The following VSIG10 variants were observed in gnomAD, a reference collection of about 807,000 sequenced individuals.
VSIG10 encodes V-set and immunoglobulin domain containing 10, also known as V-set and immunoglobulin domain-containing protein 10.
Under a neutral mutation model 58.7 loss-of-function variants are expected in VSIG10, and 48 were observed. The ratio of observed to expected loss-of-function variants is 0.82; its 90% CI spans 0.65 to 1.04. The LOEUF (loss-of-function observed/expected upper bound fraction) is 1.04, where lower values mean the gene tolerates loss of function less well. VSIG10 is among the 50% of genes least tolerant of loss of function. The pLI, the probability that VSIG10 is intolerant of heterozygous loss-of-function variation, is 0.00. For missense variants in VSIG10, 628 were observed against 670.0 expected (o/e 0.94, Z 0.69); for synonymous variants, 260 against 267.1 (o/e 0.97, Z 0.26).
In VSIG10 at chr12:118,072,603, ATC is replaced by A. The variant is rs145015206; in HGVS notation, c.1219+1094_1219+1095del. On this transcript the variant is annotated intron_variant, in intron 5 of 8. Transcript: ENST00000359236. The stretch of plus-strand genomic sequence containing the variant: ...CCAGGTGTGGTGGCTCATGCTTGCA[ATC>A]TCAACACTTTGGGAGGCTGAGATGG... Among the ~76,000 whole-genome samples the A allele has an allele frequency of 6.6e-4, 101 of 152,208 alleles. 1 individual carries two copies. The East Asian group carries it at 0.015, about 22-fold the overall frequency.
intron 2 of VSIG10, among the ~76,000 whole-genome samples, chr12:118,086,246 TGA>T (rs1190583519): frequency 5.9e-5 from 9 of 151,858 alleles, no homozygotes; most frequent in Non-Finnish European, 1.2e-4. Context: ...GCGGATCACT[TGA>T]GGTCAGGAGT....
intron 1 of VSIG10, among the ~76,000 whole-genome samples, chr12:118,097,876 T>C (rs2033509597): frequency 6.6e-6 from 1 of 152,168 alleles, no homozygotes. Context: ...TGAGCCGATA[T>C]TGTACCACTG....
intron 2 of VSIG10, among the ~76,000 whole-genome samples, chr12:118,087,159 G>T (rs2033150795): frequency 6.6e-6 from 1 of 151,774 alleles, no homozygotes; most frequent in South Asian, 2.1e-4. Context: ...TGTACATTTA[G>T]AAGCAGAGTC....
intron 3 of VSIG10, among the ~76,000 whole-genome samples, chr12:118,081,140 C>T (rs1413564093): frequency 6.6e-6 from 1 of 151,810 alleles, no homozygotes; most frequent in Non-Finnish European, 1.5e-5. Flanking sequence ...ACTCTGGAGG[C>T]TGAGGTGTGA....
Position 118,082,354 on chromosome 12 carries a change from C to G in VSIG10, c.437G>C (p.Gly146Ala). The G allele has an allele frequency of 2.5e-6, 4 of 1,613,940 alleles. No homozygotes were observed. The highest frequency in any genetic ancestry group is 3.4e-6 in the Non-Finnish European group (4 of 1,179,890). The change falls in exon 3 of 9, where the codon GGC (glycine) becomes GCC (alanine). Residue 146 changes from glycine (G) to alanine (A), a missense_variant. Transcript: ENST00000359236. The part of the protein sequence containing the change: ...LPNGTLYAAR[G>A]SQVDFSCNSS... Reference sequence around the variant, plus strand: ...GTTGCAGCTGAAGTCCACCTGGGAGCCCCTGGCTGCGTAGAGGGTGCCGTT... The same window carrying G: ...GTTGCAGCTGAAGTCCACCTGGGAGGCCCTGGCTGCGTAGAGGGTGCCGTT...
Position 118,082,426 on chromosome 12 carries a change from C to A in VSIG10, c.365G>T (p.Gly122Val), listed in dbSNP as rs1263989290. ...GATGTGGACCTCAATCTGATAGGGG[C>A]CGCCTGGGGATGACAGGGGGAATAG... The part of the protein sequence containing the change: ...WFQVWLQVAS[G>V]PYQIEVHIVA... Residue 122 changes from glycine (G) to valine (V), a missense_variant, in exon 3 of 9, where the codon GGC becomes GTC. Coordinates refer to ENST00000359236, the MANE Select transcript of VSIG10 (RefSeq NM_019086.6). 1.6e-5 allele frequency: 25 copies of A among 1,606,704 alleles called. No homozygotes were observed. The highest frequency in any genetic ancestry group is 2.0e-5 in the Non-Finnish European group (24 of 1,174,758).
rs905603019 is a variant in VSIG10 at position 118,075,682 on chromosome 12, C to T, written c.926-1690G>A. 7.2e-5 allele frequency among the ~76,000 whole-genome samples: 11 copies of T among 152,214 alleles called. No homozygotes were observed. The South Asian group carries it at 1.9e-3, about 26-fold the overall frequency. Reference sequence around the variant, plus strand: ...CTCCAGAAATTTCTCCACCACACCTCGTCTTACATCATAATAAGCCTAAGA... The same window carrying T: ...CTCCAGAAATTTCTCCACCACACCTTGTCTTACATCATAATAAGCCTAAGA... On this transcript the variant is annotated intron_variant, in intron 4 of 8. Coordinates refer to ENST00000359236, the MANE Select transcript of VSIG10 (RefSeq NM_019086.6).
chr12:118,096,209 G>A lies in VSIG10; in HGVS notation c.80-395C>T, dbSNP rs542529745. On this transcript the variant is annotated intron_variant, in intron 1 of 8. Coordinates refer to ENST00000359236, the MANE Select transcript of VSIG10 (RefSeq NM_019086.6). ...TGTAATCCTGGCACTTTGGGAGGCC[G>A]AGGTGGGCGGATCACAAGGTCAAGA... 7.9e-5 allele frequency among the ~76,000 whole-genome samples: 12 copies of A among 151,540 alleles called. No individual in the cohort carries two copies. In the East Asian group the frequency reaches 2.2e-3, roughly 27 times the overall value.
intron 3 of VSIG10, among the ~76,000 whole-genome samples, chr12:118,079,990 C>T (rs7964738): frequency 0.47 from 71,588 of 151,830 alleles, 17,462 homozygotes; most frequent in East Asian, 0.59. Context: ...TGCGCCACCA[C>T]GCCCTGCTTA....
rs1192966348 is a variant in VSIG10, at chr12:118,103,642, G to A, written c.30C>T (p.Pro10=). 8 of 1,506,062 alleles carry A rather than the reference G, an allele frequency of 5.3e-6. No homozygotes were observed. The highest frequency in any genetic ancestry group is 1.4e-5 in the African/African-American group (1 of 69,438). The allele number at this position is 1,506,062 out of a possible 1,614,324, so 93.3% of individuals were successfully genotyped here. Residue 10 remains proline (P), a synonymous_variant, in exon 1 of 9, where the codon CCC becomes CCT. Transcript: ENST00000359236. ...GCGCCCCGAGGCAGACGAGGACGCG[G>A]GGCTCGGGCGCACTGCCGCCTGCGG... MAAGGSAPE[P]RVLVCLGALL... is the part of the protein sequence containing the mutation.
chr12:118,094,003 G>A (rs2033374275), intron 2 of VSIG10, among the ~76,000 whole-genome samples: 1 of 152,180 alleles, frequency 6.6e-6, no homozygotes, highest in African/African-American at 2.4e-5. Context: ...TAACAAATGA[G>A]GAAAACTGGA....
chr12:118,090,760 C>T (rs1012283422), intron 2 of VSIG10, among the ~76,000 whole-genome samples: 2 of 152,160 alleles, frequency 1.3e-5, no homozygotes, highest in African/African-American at 4.8e-5. Flanking sequence ...TCAAGCGATC[C>T]TCCCACCTCA....
At chr12:118,072,033 G>T (rs966700085) in intron 5 of VSIG10, among the ~76,000 whole-genome samples, 5 of 152,182 alleles carry the variant, frequency 3.3e-5, no homozygotes, top group Non-Finnish European at 7.3e-5. Flanking sequence ...GCCAGGTGTG[G>T]TGGTGCATGT....
At chr12:118,068,231 C>A in intron 8 of VSIG10, 146 bp downstream of exon 8, 3 of 356,376 alleles carry the variant, frequency 8.4e-6, no homozygotes, top group Admixed American at 4.5e-5. Flanking sequence ...GACAGAGTCT[C>A]ACCATGTTGC....
chr12:118,083,661 G>A (rs2033035179), intron 2 of VSIG10, among the ~76,000 whole-genome samples: 1 of 152,070 alleles, frequency 6.6e-6, no homozygotes, highest in South Asian at 2.1e-4. Context: ...GACTACAAGC[G>A]TATTCCACCA....
At chr12:118,082,477 A>C (rs1316662349) in intron 2 of VSIG10, 48 bp from the exon 3 acceptor site, 92 of 1,544,428 alleles carry the variant, frequency 6.0e-5, no homozygotes, top group Non-Finnish European at 7.4e-5. Flanking sequence ...GTAAGAGCTC[A>C]TTCGATTGCC....
At chr12:118,066,825 G>T in intron 8 of VSIG10, 131 bp from the exon 9 acceptor site, 2 of 963,376 alleles carry the variant, frequency 2.1e-6, no homozygotes, top group Non-Finnish European at 1.6e-6. Flanking sequence ...CATGGAGAAG[G>T]TAGGGCAGCG....
chr12:118,078,227 C>A (rs1005157794), intron 4 of VSIG10, among the ~76,000 whole-genome samples: 1 of 152,146 alleles, frequency 6.6e-6, no homozygotes, highest in Non-Finnish European at 1.5e-5. Flanking sequence ...GGTGCGATCT[C>A]GGCTCACTGG....
At chr12:118,097,596 C>T (rs1046034721) in intron 1 of VSIG10, among the ~76,000 whole-genome samples, 3 of 151,710 alleles carry the variant, frequency 2.0e-5, no homozygotes, top group South Asian at 2.1e-4. Flanking sequence ...GCCTGGGTGA[C>T]GGGGCAAGAC....
Sources: gnomAD v4.1 joint callset for allele counts (sites outside exome capture counted in the v4.1 genomes callset) on GRCh38, gnomAD v4.1.1 for gene constraint, MANE v1.5 for transcripts, NCBI Gene and HGNC (gene_info 2026-07-23, HGNC 2026-07-21) for gene names.